Variants in HTT observed in about 807,000 individuals in gnomAD.
HTT encodes the protein huntington disease protein.
HTT carries 104 observed loss-of-function variants against 362.3 expected under a neutral mutation model. The observed-to-expected ratio is 0.29, with a 90% confidence interval of 0.24 to 0.34. The LOEUF (loss-of-function observed/expected upper bound fraction) is 0.34, where lower values mean the gene tolerates loss of function less well. HTT is among the 10% of genes least tolerant of loss of function. The pLI, the probability that HTT is intolerant of heterozygous loss-of-function variation, is 1.00. For missense variants in HTT, 3,301 were observed against 3,928.6 expected (o/e 0.84, Z 4.27); for synonymous variants, 1,577 against 1,548.7 (o/e 1.02, Z -0.43).
intron 1 of HTT, among the ~76,000 whole-genome samples, chr4:3,084,992 C>A (rs547909300): frequency 2.0e-5 from 3 of 146,906 alleles, no homozygotes; most frequent in Non-Finnish European, 4.5e-5. Context: ...CCAGCCTGGG[C>A]GACAGAGCAA....
At chr4:3,239,800 A>C in intron 66 of HTT, 46 bp from the exon 67 acceptor site, 28 of 1,337,344 alleles carry the variant, frequency 2.1e-5, no homozygotes, top group Non-Finnish European at 2.6e-5. Flanking sequence ...ACAGGGAGGC[A>C]GCATTCCCCT....
chr4:3,227,905 G>T (rs1288943390), intron 57 of HTT, among the ~76,000 whole-genome samples: 1 of 152,224 alleles, frequency 6.6e-6, no homozygotes, highest in Non-Finnish European at 1.5e-5. Context: ...AGAGGGGTGG[G>T]GGTTAGGGGT....
Position 3,182,289 on chromosome 4 carries a change from C to A in HTT, c.4750-65C>A. On this transcript the variant is annotated intron_variant, in intron 36 of 66. Transcript: ENST00000355072. Reference sequence around the variant, plus strand: ...GCTGAACTGGGACAAGTATAACAGACGGACACGTAGGGGTGGAAAGGCGTC... The same window carrying A: ...GCTGAACTGGGACAAGTATAACAGAAGGACACGTAGGGGTGGAAAGGCGTC... The A allele has an allele frequency of 3.1e-6, 3 of 974,558 alleles. No individual in the cohort carries two copies. In the South Asian group the frequency reaches 4.1e-5, roughly 13 times the overall value. 60.4% of individuals were successfully genotyped at this position (974,558 alleles called of 1,614,324 possible). A position where few individuals can be genotyped will look rare whatever the true frequency, so the allele number is the denominator to read the frequency against.
intron 45 of HTT, among the ~76,000 whole-genome samples, chr4:3,208,508 T>G (rs1212901769): frequency 3.3e-5 from 5 of 152,238 alleles, no homozygotes; most frequent in Non-Finnish European, 7.3e-5. Context: ...ATAAATGAAA[T>G]TTCTGGAAAA....
At chr4:3,211,066 G>A (rs1265658364) in intron 47 of HTT, among the ~76,000 whole-genome samples, 1 of 151,878 alleles carries the variant, frequency 6.6e-6, no homozygotes, top group African/African-American at 2.4e-5. Context: ...ACCACGCCCG[G>A]CTAATTTTTG....
At chr4:3,147,960 C>T (rs1417029662) in intron 25 of HTT, 45 bp from the exon 26 acceptor site, 5 of 1,485,528 alleles carry the variant, frequency 3.4e-6, no homozygotes, top group African/African-American at 2.8e-5. Context: ...TTTGTCCTTC[C>T]CATGCTATTG....
At chr4:3,136,024 C>G (rs1716049356) in intron 20 of HTT, 57 bp downstream of exon 20, 3 of 1,281,592 alleles carry the variant, frequency 2.3e-6, no homozygotes, top group Non-Finnish European at 3.3e-6. Context: ...GAAAGTGAGG[C>G]TTTCCTTGTG....
rs189397613 is a variant in HTT at position 3,107,055 on chromosome 4, T to C, written c.609-230T>C. Among the ~76,000 whole-genome samples the C allele has an allele frequency of 4.9e-4, 75 of 152,226 alleles. 1 individual carries two copies. Among genetic ancestry groups the C allele is most frequent in the Admixed American group, 1.6e-3 (25 of 15,284 alleles). ...AGTATTATGATTTACTGCAAATAAT[T>C]TTTAAACCCAGCCTTTTAGATCCTC... On this transcript the variant is annotated intron_variant, in intron 5 of 66. Transcript: ENST00000355072.
At chr4:3,075,547 G>A (rs1485437811) in intron 1 of HTT, among the ~76,000 whole-genome samples, 2 of 151,968 alleles carry the variant, frequency 1.3e-5, no homozygotes, top group South Asian at 4.1e-4. Flanking sequence ...AGGGCTGGGG[G>A]CGCGGGACAC....
At chr4:3,158,123 A>G (rs1003027496) in intron 28 of HTT, among the ~76,000 whole-genome samples, 10 of 151,804 alleles carry the variant, frequency 6.6e-5, no homozygotes, top group African/African-American at 2.4e-4. Flanking sequence ...ACCTGGGACT[A>G]CCGGCATGTG....
At position 3,108,065 on chromosome 4, in the gene HTT, A is replaced by G. The variant is rs1714529261; in HGVS notation, c.747+642A>G. On this transcript the variant is annotated intron_variant, in intron 6 of 66. Coordinates refer to ENST00000355072, the MANE Select transcript of HTT (RefSeq NM_001388492.1). ...TCCTCTTTACTAGTTATTTTCCTCT[A>G]GGCAAACTGCCCAACAGCTCTAAGC... Among the ~76,000 whole-genome samples, 6 of 152,328 alleles carry G rather than the reference A, an allele frequency of 3.9e-5. No individual in the cohort carries two copies. In the South Asian group the frequency reaches 1.2e-3, roughly 32 times the overall value.
At chr4:3,090,755 A>G (rs895910431) in intron 2 of HTT, among the ~76,000 whole-genome samples, 1 of 152,244 alleles carries the variant, frequency 6.6e-6, no homozygotes, top group African/African-American at 2.4e-5. Flanking sequence ...TCAAAATTCT[A>G]GTAGAGGTAT....
At position 3,175,060 on chromosome 4, in the gene HTT, C is replaced by T. The variant is rs767467442; in HGVS notation, c.4360C>T (p.Gln1454Ter). Residue 1454 changes from glutamine (Q) to a stop codon, truncating the protein, a stop_gained, in exon 33 of 67, where the codon CAG becomes TAG. Transcript: ENST00000355072. LOFTEE classifies it high-confidence loss of function. ...LQKQVLDLLA[Q>*]LVQLRVNYCL... is the part of the protein sequence containing the mutation. ...GAAGCAGGTTTTAGATTTGCTGGCG[C>T]AGCTGGTTCAGTTACGGGTTAATTA... 1 of 1,614,126 alleles carries T rather than the reference C, an allele frequency of 6.2e-7. No individual in the cohort carries two copies. The highest frequency in any genetic ancestry group is 8.5e-7 in the Non-Finnish European group (1 of 1,179,990).
intron 21 of HTT, among the ~76,000 whole-genome samples, chr4:3,136,909 G>A (rs1270762837): frequency 6.6e-6 from 1 of 151,188 alleles, no homozygotes; most frequent in Non-Finnish European, 1.5e-5. Flanking sequence ...TACCAGGCCC[G>A]GCTTTGAATT....
At chr4:3,091,558 C>G (rs1713511144) in intron 2 of HTT, among the ~76,000 whole-genome samples, 1 of 152,114 alleles carries the variant, frequency 6.6e-6, no homozygotes, top group Non-Finnish European at 1.5e-5. Context: ...AGGTTACTAG[C>G]CTGTGTAAAG....
chr4:3,233,822 G>C (rs1721378375), intron 61 of HTT, among the ~76,000 whole-genome samples: 1 of 152,202 alleles, frequency 6.6e-6, no homozygotes, highest in African/African-American at 2.4e-5. Context: ...AGCACGGCTG[G>C]TGCCGCAACC....
At chr4:3,094,656 GGCCGGGCGGGGGCTGCCCCCC>G (rs1713735083) in intron 2 of HTT, among the ~76,000 whole-genome samples, 1 of 127,532 alleles carries the variant, frequency 7.8e-6, no homozygotes, top group African/African-American at 3.5e-5. Context: ...CGGGGCGGGT[GGCCGGGCGGGGGCTGCCCCCC>G]ACCTCCCGGA....
At chr4:3,132,537 A>G (rs1381843687) in intron 16 of HTT, 25 bp from the exon 17 acceptor site, 94 of 1,600,720 alleles carry the variant, frequency 5.9e-5, no homozygotes, top group Non-Finnish European at 7.8e-5. Context: ...GAATTGTTCC[A>G]TGGCTGAGCA....
chr4:3,098,922 A>AT (rs1182486455), intron 2 of HTT, among the ~76,000 whole-genome samples: 2 of 152,224 alleles, frequency 1.3e-5, no homozygotes, highest in Non-Finnish European at 2.9e-5. Context: ...AAAAAGAAAA[A>AT]TGAGAATTGC....
Sources: allele counts gnomAD v4.1 joint callset (sites outside exome capture counted in the v4.1 genomes callset), GRCh38; gene constraint gnomAD v4.1.1; transcripts MANE v1.5; gene names NCBI Gene and HGNC (gene_info 2026-07-23, HGNC 2026-07-21).